The following FIGN variants were observed in gnomAD, a reference collection of about 807,000 sequenced individuals.
The protein encoded by FIGN is fidgetin.
FIGN carries 11 observed loss-of-function variants against 51.3 expected under a neutral mutation model. The observed-to-expected ratio is 0.21, with a 90% CI of 0.13 to 0.35. FIGN has a LOEUF of 0.35. FIGN is among the 10% of genes least tolerant of loss of function. FIGN has a pLI of 1.00. For synonymous variants in FIGN, 407 were observed against 363.2 expected (o/e 1.12, Z -1.37); for missense variants, 857 against 943.6 (o/e 0.91, Z 1.20).
chr2:163,686,183 A>C (rs1462435852), intron 2 of FIGN, among the ~76,000 whole-genome samples: 1 of 152,178 alleles, frequency 6.6e-6, no homozygotes, highest in Non-Finnish European at 1.5e-5. Flanking sequence ...AGATTGCTAC[A>C]ATTAGAAAAA....
At chr2:163,677,178 T>C (rs560408238) in intron 2 of FIGN, among the ~76,000 whole-genome samples, 2 of 152,364 alleles carry the variant, frequency 1.3e-5, no homozygotes, top group Admixed American at 1.3e-4. Flanking sequence ...AAAGATGATA[T>C]GGCTTATTCC....
Position 163,610,744 on chromosome 2 carries a change from T to A in FIGN, c.1088A>T (p.Asn363Ile). Residue 363 changes from asparagine to isoleucine, a missense_variant, in exon 3 of 3, where the codon AAT becomes ATT. Transcript: ENST00000333129. ...TGTTTCAGCACTTCTGTCAAAGCCATTCCCCCGATTTGTGTTTGAAATGCT... is the reference window on the plus strand; with the variant it reads ...TGTTTCAGCACTTCTGTCAAAGCCAATCCCCCGATTTGTGTTTGAAATGCT... ...DNSISNTNRG[N>I]GFDRSAETSS... 6.2e-7 allele frequency: 1 copy of A among 1,614,176 alleles called. No homozygotes were observed. Among genetic ancestry groups the A allele is most frequent in the Non-Finnish European group, 8.5e-7 (1 of 1,180,020 alleles).
chr2:163,724,050 G>A (rs1429240545), intron 2 of FIGN, among the ~76,000 whole-genome samples: 2 of 152,128 alleles, frequency 1.3e-5, no homozygotes, highest in Admixed American at 6.6e-5. Context: ...CAGTCATGGA[G>A]TATACAAAAC....
In FIGN at chr2:163,610,749, C is replaced by G; in HGVS notation, c.1083G>C (p.Arg361=). The G allele has an allele frequency of 6.2e-7, 1 of 1,614,160 alleles. No individual in the cohort carries two copies. The highest frequency in any genetic ancestry group is 8.5e-7 in the Non-Finnish European group (1 of 1,180,032). The part of the protein sequence containing the change: ...MPDNSISNTN[R]GNGFDRSAET... The stretch of plus-strand genomic sequence containing the variant: ...CAGCACTTCTGTCAAAGCCATTCCC[C>G]CGATTTGTGTTTGAAATGCTGTTGT... The change falls in exon 3 of 3, where the codon CGG becomes CGC. Residue 361 remains arginine (R), a synonymous_variant. Coordinates refer to ENST00000333129, the MANE Select transcript of FIGN (RefSeq NM_018086.4).
intron 2 of FIGN, among the ~76,000 whole-genome samples, chr2:163,728,303 T>G (rs73974388): frequency 6.6e-6 from 1 of 151,936 alleles, no homozygotes; most frequent in Admixed American, 6.6e-5. Flanking sequence ...ATAGTGGCAG[T>G]ACTTGGCAAC....
At chr2:163,621,852 C>A (rs1436568748) in intron 2 of FIGN, among the ~76,000 whole-genome samples, 1 of 152,084 alleles carries the variant, frequency 6.6e-6, no homozygotes, top group Non-Finnish European at 1.5e-5. Context: ...GTGGCATTTC[C>A]TTTCCTGGAG....
rs1683664346 is a variant in FIGN at position 163,660,875 on chromosome 2, A to ATG, written c.26-49070_26-49069insCA. On this transcript the variant is annotated intron_variant, in intron 2 of 2. Transcript: ENST00000333129. ...TATGTATACATATATATATATATATATATATTTTTTTTTTTTTTTTTTTTT... is the reference window on the plus strand; with the variant it reads ...TATGTATACATATATATATATATATATGTATATTTTTTTTTTTTTTTTTTTTT... Among the ~76,000 whole-genome samples the ATG allele has an allele frequency of 1.7e-3, 46 of 26,398 alleles. 11 individuals carry two copies. The highest frequency in any genetic ancestry group is 6.9e-3 in the East Asian group (4 of 582). The allele number at this position is 26,398 out of a possible 152,430, so 17.3% of individuals were successfully genotyped here.
chr2:163,634,835 T>TTCAAACAACAAACA (rs1344228900), intron 2 of FIGN, among the ~76,000 whole-genome samples: 5 of 152,256 alleles, frequency 3.3e-5, no homozygotes, highest in Admixed American at 1.3e-4. Flanking sequence ...GCACTTACTC[T>TTCAAACAACAAACA]GTTGTTTGAA....
intron 2 of FIGN, among the ~76,000 whole-genome samples, chr2:163,716,726 A>G (rs954606744): frequency 3.9e-5 from 6 of 152,336 alleles, no homozygotes; most frequent in African/African-American, 1.4e-4. Flanking sequence ...ATGGAATAAA[A>G]TCTTGTCATT....
intron 2 of FIGN, among the ~76,000 whole-genome samples, chr2:163,680,934 T>C (rs1161533677): frequency 6.6e-6 from 1 of 152,238 alleles, no homozygotes; most frequent in Non-Finnish European, 1.5e-5. Context: ...AGTAACATAT[T>C]ATTTGAACAT....
intron 2 of FIGN, among the ~76,000 whole-genome samples, chr2:163,712,335 T>C (rs1257895633): frequency 6.6e-6 from 1 of 152,202 alleles, no homozygotes; most frequent in East Asian, 1.9e-4. Context: ...TATGTTTCTT[T>C]TAATCTATTT....
intron 2 of FIGN, among the ~76,000 whole-genome samples, chr2:163,710,532 T>C (rs867538506): frequency 6.6e-6 from 1 of 152,294 alleles, no homozygotes. Context: ...CAGGTGGAAA[T>C]GTGTTTGCAA....
chr2:163,611,376 A>G lies in FIGN; in HGVS notation c.456T>C (p.Pro152=). The part of the protein sequence containing the change: ...ADVSASIGSS[P]GVASNLTEPS... ...GTTCTGTCAGGTTGCTGGCTACCCC[A>G]GGAGAGCTTCCTATACTCGCAGAGA... The change falls in exon 3 of 3, where the codon CCT becomes CCC. Residue 152 remains proline, a synonymous_variant. Coordinates refer to ENST00000333129, the MANE Select transcript of FIGN (RefSeq NM_018086.4). 1 of 1,614,206 alleles carries G rather than the reference A, an allele frequency of 6.2e-7. No homozygotes were observed. The highest frequency in any genetic ancestry group is 8.5e-7 in the Non-Finnish European group (1 of 1,180,028).
intron 2 of FIGN, among the ~76,000 whole-genome samples, chr2:163,708,771 A>C (rs1326812080): frequency 6.6e-6 from 1 of 152,106 alleles, no homozygotes; most frequent in Non-Finnish European, 1.5e-5. Context: ...CAAAATCTGT[A>C]AGGGGAGAAA....
At chr2:163,620,300 C>T (rs1437328433) in intron 2 of FIGN, among the ~76,000 whole-genome samples, 2 of 152,006 alleles carry the variant, frequency 1.3e-5, no homozygotes, top group African/African-American at 4.8e-5. Context: ...TTCCTTTTTC[C>T]GTATACATTT....
intron 2 of FIGN, among the ~76,000 whole-genome samples, chr2:163,696,588 T>C (rs747086007): frequency 6.6e-6 from 1 of 152,194 alleles, no homozygotes; most frequent in East Asian, 1.9e-4. Flanking sequence ...ATACACTGTG[T>C]CACTTATTCC....
intron 2 of FIGN, among the ~76,000 whole-genome samples, chr2:163,674,274 G>A (rs544535013): frequency 1.4e-4 from 22 of 152,250 alleles, no homozygotes; most frequent in Non-Finnish European, 2.6e-4. Flanking sequence ...GTGTGCGTGC[G>A]TGTGTGTTTT....
At chr2:163,621,707 G>C (rs1335728873) in intron 2 of FIGN, among the ~76,000 whole-genome samples, 2 of 152,166 alleles carry the variant, frequency 1.3e-5, no homozygotes, top group Non-Finnish European at 2.9e-5. Flanking sequence ...CTGATTTCCA[G>C]ATAGACTGAA....
intron 2 of FIGN, among the ~76,000 whole-genome samples, chr2:163,669,369 G>T (rs1295117565): frequency 6.6e-6 from 1 of 152,060 alleles, no homozygotes; most frequent in Admixed American, 6.6e-5. Context: ...ATGCCACCAT[G>T]CCCAGCTAAT....
Sources: gnomAD v4.1 joint callset for allele counts (sites outside exome capture counted in the v4.1 genomes callset) on GRCh38, gnomAD v4.1.1 for gene constraint, MANE v1.5 for transcripts, NCBI Gene and HGNC (gene_info 2026-07-23, HGNC 2026-07-21) for gene names.